Variants in ADSL observed in about 807,000 individuals in gnomAD.
ADSL encodes adenylosuccinate lyase.
A neutral mutation model predicts 62.1 loss-of-function variants in ADSL; 44 were observed. That is an observed-to-expected ratio of 0.71 (90% confidence interval 0.56 to 0.91). The LOEUF (loss-of-function observed/expected upper bound fraction) is 0.91. Among genes scored for constraint, ADSL ranks in the 40% least tolerant of loss-of-function variants. The probability of loss-of-function intolerance (pLI) is 0.00; values close to 1 mark genes in which losing one functional copy is unlikely to be tolerated. For synonymous variants in ADSL, 198 were observed against 220.5 expected (o/e 0.90, Z 0.90); for missense variants, 531 against 627.4 (o/e 0.85, Z 1.64).
chr22:40,385,106 AAAGT>A (rs2048215290), intron 2 of ADSL, among the ~76,000 whole-genome samples: 2 of 152,364 alleles, frequency 1.3e-5, no homozygotes, highest in East Asian at 3.9e-4. Context: ...TCAAGAAACC[AAAGT>A]AAGTCAGCAG....
intron 1 of ADSL, chr22:40,348,887 C>T: frequency 3.3e-6 from 1 of 306,072 alleles, no homozygotes; most frequent in Non-Finnish European, 5.9e-6. Flanking sequence ...TGTGGGCTGC[C>T]AGCTATTTTT....
chr22:40,364,317 C>T lies in ADSL; in HGVS notation c.1143C>T (p.Ala381=). 1.2e-6 allele frequency: 2 copies of T among 1,614,058 alleles called. No individual in the cohort carries two copies. The highest frequency in any genetic ancestry group is 1.7e-6 in the Non-Finnish European group (2 of 1,180,004). ...TTCGGCAAGAGCTGCCTTTCATGGC[C>T]ACAGAGAACATCATCATGGCCATGG... is the stretch of plus-strand genomic sequence containing the variant. ...RRIRQELPFM[A]TENIIMAMVK... The change falls in exon 11 of 13, where the codon GCC becomes GCT. Residue 381 remains alanine (A), a synonymous_variant. Coordinates refer to ENST00000623063, the MANE Select transcript of ADSL (RefSeq NM_000026.4).
At chr22:40,348,810 C>T (rs2044239620) in intron 1 of ADSL, 1 of 385,056 alleles carries the variant, frequency 2.6e-6, no homozygotes, top group Non-Finnish European at 4.6e-6. Context: ...TTGCAAGTTT[C>T]AAGTGAGGTT....
chr22:40,348,990 C>T (rs1262058460), intron 1 of ADSL: 1 of 165,266 alleles, frequency 6.1e-6, no homozygotes, highest in African/African-American at 2.4e-5. Flanking sequence ...CAGTTGCACT[C>T]ATTTGCTGTA....
At chr22:40,371,365 CA>C (rs936105033), downstream of ADSL, among the ~76,000 whole-genome samples, 7 of 152,178 alleles carry the variant, frequency 4.6e-5, no homozygotes, top group African/African-American at 1.7e-4. Flanking sequence ...GTGTATCTTC[CA>C]GTCTCACGCT....
intron 7 of ADSL, chr22:40,361,000 C>T (rs1234970152): frequency 2.0e-6 from 1 of 495,130 alleles, no homozygotes; most frequent in African/African-American, 1.9e-5. Context: ...CGCGCCCATC[C>T]TGAATTAATC....
intron 2 of ADSL, among the ~76,000 whole-genome samples, chr22:40,350,619 A>G: frequency 6.6e-6 from 1 of 151,446 alleles, no homozygotes; most frequent in East Asian, 1.9e-4. Context: ...TTTTCAAAGG[A>G]ATTTTTTTTT....
chr22:40,378,287 G>A (rs980670479), intron 2 of ADSL: 5 of 152,268 alleles, frequency 3.3e-5, no homozygotes, highest in African/African-American at 1.2e-4. Context: ...AGAAAAATTA[G>A]CCAGGCATGA....
chr22:40,379,820 C>A (rs2047264338), intron 2 of ADSL, among the ~76,000 whole-genome samples: 1 of 152,106 alleles, frequency 6.6e-6, no homozygotes, highest in African/African-American at 2.4e-5. Flanking sequence ...GCAATCCTCC[C>A]ACCTCAGCTT....
downstream of ADSL, among the ~76,000 whole-genome samples, chr22:40,370,337 A>G (rs895331238): frequency 6.7e-6 from 1 of 148,652 alleles, no homozygotes; most frequent in Admixed American, 6.8e-5. Context: ...CCTGGGTGAC[A>G]GAGCGAGACT....
intron 9 of ADSL, 24 bp from the exon 10 acceptor site, chr22:40,362,957 A>G (rs865850074): frequency 1.3e-6 from 2 of 1,593,840 alleles, no homozygotes; most frequent in Non-Finnish European, 1.7e-6. Flanking sequence ...TTAAAGACAT[A>G]CTGAATGGCT....
intron 3 of ADSL, chr22:40,353,762 A>G (rs1343121209): frequency 3.8e-6 from 1 of 265,172 alleles, no homozygotes; most frequent in Non-Finnish European, 7.2e-6. Context: ...AACAGCTGGG[A>G]CTACTGGCAC....
chr22:40,348,567 A>G (rs1281352057), intron 1 of ADSL: 1 of 398,390 alleles, frequency 2.5e-6, no homozygotes, highest in African/African-American at 2.1e-5. Context: ...TGTTTTGTAG[A>G]GATGGGTCTC....
chr22:40,354,461 T>G, intron 4 of ADSL, 134 bp downstream of exon 4: 1 of 792,406 alleles, frequency 1.3e-6, no homozygotes, highest in Admixed American at 1.8e-5. Context: ...GGGATGCTTA[T>G]AAGGAATGAG....
chr22:40,357,247 CTTTTTTTTTTT>C (rs760770992), intron 4 of ADSL, among the ~76,000 whole-genome samples: 24 of 102,782 alleles, frequency 2.3e-4, no homozygotes, highest in Non-Finnish European at 3.7e-4. Context: ...TTGATTTGGG[CTTTTTTTTTTT>C]TTTTTTTTTT....
At chr22:40,352,942 G>C (rs2044405199) in intron 2 of ADSL, 131 bp from the exon 3 acceptor site, 1 of 723,154 alleles carries the variant, frequency 1.4e-6, no homozygotes, top group Admixed American at 2.0e-5. Context: ...TTTCTGGCGT[G>C]CTTAGTGGGT....
At chr22:40,371,945 C>A (rs573485973), downstream of ADSL, among the ~76,000 whole-genome samples, 5 of 152,204 alleles carry the variant, frequency 3.3e-5, no homozygotes, top group South Asian at 1.0e-3. Flanking sequence ...GTGATCCGCC[C>A]GTCTCGGGCC....
chr22:40,371,601 G>T (rs2045496400), downstream of ADSL, among the ~76,000 whole-genome samples: 1 of 152,040 alleles, frequency 6.6e-6, no homozygotes, highest in African/African-American at 2.4e-5. Context: ...TGCTCTTTTA[G>T]TTCCAATTAT....
At chr22:40,358,302 C>T (rs760554340) in intron 4 of ADSL, among the ~76,000 whole-genome samples, 10 of 152,050 alleles carry the variant, frequency 6.6e-5, no homozygotes, top group African/African-American at 1.4e-4. Flanking sequence ...TGTCTCTTGC[C>T]GTGCATCACA....
Sources: gnomAD v4.1 joint callset for allele counts (sites outside exome capture counted in the v4.1 genomes callset) on GRCh38, gnomAD v4.1.1 for gene constraint, MANE v1.5 for transcripts, NCBI Gene and HGNC (gene_info 2026-07-23, HGNC 2026-07-21) for gene names.